The following TBC1D30 variants were observed in gnomAD, a reference collection of about 807,000 sequenced individuals.
TBC1D30 encodes TBC1 domain family member 30.
TBC1D30 carries 31 observed loss-of-function variants against 63.2 expected under a neutral mutation model. The observed-to-expected ratio is 0.49, with a 90% confidence interval of 0.37 to 0.66. The LOEUF (loss-of-function observed/expected upper bound fraction) is 0.66, where lower values mean the gene tolerates loss of function less well. Among genes scored for constraint, TBC1D30 ranks in the 30% least tolerant of loss-of-function variants. TBC1D30 has a pLI of 0.00. For synonymous variants in TBC1D30, 307 were observed against 361.5 expected, an observed-to-expected ratio of 0.85 and a Z score of 1.71; for missense variants, 810 against 953.6, an observed-to-expected ratio of 0.85 and a Z score of 1.98.
At chr12:64,818,251 T>A (rs1873672294) in intron 2 of TBC1D30, among the ~76,000 whole-genome samples, 1 of 152,194 alleles carries the variant, frequency 6.6e-6, no homozygotes, top group South Asian at 2.1e-4. Context: ...ACATGAGCTT[T>A]GTCCTTGGCC....
chr12:64,820,552 C>T (rs115274420), upstream of TBC1D30, among the ~76,000 whole-genome samples: 1,218 of 152,304 alleles, frequency 8.0e-3, 16 homozygotes, highest in African/African-American at 0.028. Context: ...CAGCATAAGT[C>T]ATAACCATTG....
At chr12:64,778,226 G>C (rs1013072877), upstream of TBC1D30, among the ~76,000 whole-genome samples, 1 of 152,124 alleles carries the variant, frequency 6.6e-6, no homozygotes, top group African/African-American at 2.4e-5. Flanking sequence ...TAGGTAATTG[G>C]TTGTTTTTTT....
intron 8 of TBC1D30, among the ~76,000 whole-genome samples, chr12:64,863,781 C>T (rs1000574785): frequency 1.3e-5 from 2 of 152,188 alleles, no homozygotes; most frequent in African/African-American, 4.8e-5. Context: ...TCTTCTAAGC[C>T]TTCATAAAAA....
intron 2 of TBC1D30, among the ~76,000 whole-genome samples, chr12:64,813,143 A>C (rs935062379): frequency 6.6e-6 from 1 of 152,182 alleles, no homozygotes; most frequent in Non-Finnish European, 1.5e-5. Flanking sequence ...TAATCCCAGC[A>C]CTTTGGAAGG....
At chr12:64,820,671 C>T (rs1420599460), upstream of TBC1D30, among the ~76,000 whole-genome samples, 1 of 152,172 alleles carries the variant, frequency 6.6e-6, no homozygotes, top group Non-Finnish European at 1.5e-5. Flanking sequence ...CTGAGATTCT[C>T]AGGCAAAGTC....
rs1280158029 is a variant in TBC1D30 at position 64,866,884 on chromosome 12, G to A, written c.1272G>A (p.Lys424=). The A allele has an allele frequency of 7.2e-6, 11 of 1,535,936 alleles. No individual in the cohort carries two copies. In the East Asian group the frequency reaches 2.7e-4, roughly 38 times the overall value. ...FSGFLAPELQ[K]YQKQIKEPNE... is the part of the protein sequence containing the mutation. ...GGTTCCTGGCTCCTGAACTGCAGAA[G>A]TACCAAAAACAAATTAAAGGTAAAG... Residue 424 remains lysine, a synonymous_variant, in exon 10 of 12, where the codon AAG becomes AAA. Transcript: ENST00000539867.
chr12:64,817,543 G>A (rs1873618152), intron 2 of TBC1D30, among the ~76,000 whole-genome samples: 1 of 152,130 alleles, frequency 6.6e-6, no homozygotes. Context: ...TGTTTCTTCT[G>A]AATGAACTCA....
chr12:64,864,606 G>A, intron 8 of TBC1D30, 62 bp from the exon 9 acceptor site: 2 of 1,128,300 alleles, frequency 1.8e-6, no homozygotes, highest in Non-Finnish European at 2.6e-6. Flanking sequence ...TGTCTTTCCA[G>A]GATTGATAAG....
exon 1 of TBC1D30, chr12:64,781,206 G>C (rs1394296116): frequency 2.2e-5 from 25 of 1,118,700 alleles, no homozygotes; most frequent in Non-Finnish European, 2.8e-5. Flanking sequence ...GGCCGCAGCG[G>C]TGCCGGCGAC....
intron 2 of TBC1D30, among the ~76,000 whole-genome samples, chr12:64,797,815 G>A (rs531455316): frequency 2.0e-5 from 3 of 152,120 alleles, no homozygotes; most frequent in African/African-American, 7.2e-5. Flanking sequence ...AGCTCTTCTG[G>A]GGTACCCTGG....
At chr12:64,871,830 G>A (rs1389323007) in intron 11 of TBC1D30, among the ~76,000 whole-genome samples, 2 of 152,166 alleles carry the variant, frequency 1.3e-5, no homozygotes, top group African/African-American at 4.8e-5. Context: ...GAGTGGTCAG[G>A]CCAGGGCTAG....
At chr12:64,813,305 G>A (rs1413191356) in intron 2 of TBC1D30, among the ~76,000 whole-genome samples, 3 of 152,082 alleles carry the variant, frequency 2.0e-5, no homozygotes, top group Non-Finnish European at 4.4e-5. Flanking sequence ...CAGGAGAACT[G>A]CTTGAACCTG....
rs1874746203 is a variant in TBC1D30 at position 64,830,422 on chromosome 12, G to A, written c.328G>A (p.Asp110Asn). 1.3e-6 allele frequency: 2 copies of A among 1,535,462 alleles called. No homozygotes were observed. The highest frequency in any genetic ancestry group is 1.7e-6 in the Non-Finnish European group (2 of 1,146,504). ...TCATTATTTGCACAGTATAGCCATT[G>A]ACTGGGACAAAACCATGCGCTTCAC... is the stretch of plus-strand genomic sequence containing the variant. ...ADHYLHSIAI[D>N]WDKTMRFTFN... The change falls in exon 4 of 12, where the codon GAC (aspartate) becomes AAC (asparagine). Residue 110 changes from aspartate to asparagine, a missense_variant. Physicochemically the swap from Asp to Asn is conservative, Grantham distance 23. Coordinates refer to ENST00000539867, the MANE Select transcript of TBC1D30 (RefSeq NM_015279.2).
At chr12:64,800,644 C>T (rs1018863394) in intron 2 of TBC1D30, among the ~76,000 whole-genome samples, 3 of 151,792 alleles carry the variant, frequency 2.0e-5, no homozygotes, top group East Asian at 3.9e-4. Context: ...ATGTAGACTG[C>T]GAGGGAAGGG....
chr12:64,845,065 G>A (rs1876241404), intron 8 of TBC1D30, among the ~76,000 whole-genome samples: 1 of 152,190 alleles, frequency 6.6e-6, no homozygotes, highest in South Asian at 2.1e-4. Flanking sequence ...TGTGAACAGT[G>A]CTGCGAGAAA....
intron 8 of TBC1D30, among the ~76,000 whole-genome samples, chr12:64,858,439 C>A (rs968918428): frequency 2.0e-5 from 3 of 152,188 alleles, no homozygotes; most frequent in African/African-American, 7.2e-5. Context: ...GGCATACTCC[C>A]TGGATATTTC....
Position 64,764,430 on chromosome 12 carries a change from C to T in TBC1D30, c.-376+4781C>T, listed in dbSNP as rs191771464. ...CCTCTGAAGTGTAACTTTCACTTAA[C>T]GTTTAATAACCTCAAAACTTCCATC... On this transcript the variant is annotated intron_variant, in intron 1 of 13. Coordinates refer to the TBC1D30 transcript ENST00000674237. Among the ~76,000 whole-genome samples, 453 of 152,254 alleles carry T rather than the reference C, an allele frequency of 3.0e-3. 1 individual carries two copies. Among genetic ancestry groups the T allele is most frequent in the Non-Finnish European group, 5.5e-3 (377 of 68,024 alleles).
intron 2 of TBC1D30, among the ~76,000 whole-genome samples, chr12:64,792,701 G>A (rs960628664): frequency 2.0e-5 from 3 of 152,136 alleles, no homozygotes; most frequent in African/African-American, 7.2e-5. Context: ...TCCCCAAGTA[G>A]CAGGGATTAC....
chr12:64,837,418 T>C (rs1875462055), intron 6 of TBC1D30, among the ~76,000 whole-genome samples: 1 of 151,534 alleles, frequency 6.6e-6, no homozygotes, highest in Non-Finnish European at 1.5e-5. Flanking sequence ...TGCAACTAGA[T>C]GGTCCCAACT....
Sources: gnomAD v4.1 joint callset for allele counts (sites outside exome capture counted in the v4.1 genomes callset) on GRCh38, gnomAD v4.1.1 for gene constraint, MANE v1.5 for transcripts, NCBI Gene and HGNC (gene_info 2026-07-23, HGNC 2026-07-21) for gene names.